The following FSTL5 variants were observed in gnomAD, a reference collection of about 807,000 sequenced individuals.
The protein encoded by FSTL5 is follistatin-related protein 5.
FSTL5 carries 62 observed loss-of-function variants against 89.1 expected under a neutral mutation model. The observed-to-expected ratio is 0.70, with a 90% CI of 0.57 to 0.86. The LOEUF (loss-of-function observed/expected upper bound fraction) is 0.86, where lower values mean the gene tolerates loss of function less well. FSTL5 is among the 40% of genes least tolerant of loss of function. The pLI is 0.00. For missense variants in FSTL5, 1,057 were observed against 1,001.6 expected, an observed-to-expected ratio of 1.06 and a Z score of -0.75; for synonymous variants, 383 against 346.2, an observed-to-expected ratio of 1.11 and a Z score of -1.18.
rs150625103 is a variant in FSTL5 at position 161,762,670 on chromosome 4, T to C, written c.607-3139A>G. On this transcript the variant is annotated intron_variant, in intron 5 of 15. Transcript: ENST00000306100. The stretch of plus-strand genomic sequence containing the variant: ...GATAACAAGATACCATCTTATGATC[T>C]TGATTGGTCAAAAAGACCAATCATA... Among the ~76,000 whole-genome samples the C allele has an allele frequency of 7.9e-3, 1,200 of 152,340 alleles. 16 individuals carry two copies. Among genetic ancestry groups the C allele is most frequent in the African/African-American group, 0.026 (1,084 of 41,568 alleles).
chr4:161,413,682 T>A (rs1441337317), intron 15 of FSTL5, among the ~76,000 whole-genome samples: 1 of 152,186 alleles, frequency 6.6e-6, no homozygotes, highest in Non-Finnish European at 1.5e-5. Flanking sequence ...CAGGTGTTCA[T>A]CAATGATAGA....
In FSTL5 at chr4:161,869,800, T is replaced by C. The variant is rs1469731487; in HGVS notation, c.409+50604A>G. Among the ~76,000 whole-genome samples the C allele has an allele frequency of 3.3e-5, 5 of 152,232 alleles. No individual in the cohort carries two copies. In the East Asian group the frequency reaches 9.6e-4, roughly 29 times the overall value. ...GTGTTAATACATTAGCATATGGCAT[T>C]CTCCTACAGATAGGTATTTGTCCAG... On this transcript the variant is annotated intron_variant, in intron 4 of 15. Coordinates refer to ENST00000306100, the MANE Select transcript of FSTL5 (RefSeq NM_020116.5).
At chr4:161,715,262 A>C (rs1036229787) in intron 6 of FSTL5, among the ~76,000 whole-genome samples, 1 of 152,212 alleles carries the variant, frequency 6.6e-6, no homozygotes, top group African/African-American at 2.4e-5. Flanking sequence ...GCCATGCAAT[A>C]CTGTTGATGT....
chr4:162,147,477 G>A (rs1390451302), intron 1 of FSTL5, among the ~76,000 whole-genome samples: 1 of 151,978 alleles, frequency 6.6e-6, no homozygotes, highest in African/African-American at 2.4e-5. Flanking sequence ...TTAAAGTATG[G>A]CCAATAACAA....
chr4:162,024,365 A>G (rs1378472285), intron 3 of FSTL5, among the ~76,000 whole-genome samples: 1 of 152,110 alleles, frequency 6.6e-6, no homozygotes, highest in African/African-American at 2.4e-5. Context: ...TTGACAGAGG[A>G]CCTGACAGAT....
chr4:161,748,605 CGTTTTTT>C (rs1236243134), intron 6 of FSTL5, among the ~76,000 whole-genome samples: 8 of 105,224 alleles, frequency 7.6e-5, no homozygotes, highest in Admixed American at 2.4e-4. Flanking sequence ...AGGGGAAGCA[CGTTTTTT>C]TTTTTTTTTT....
chr4:161,983,026 T>A (rs1216048663), intron 3 of FSTL5, among the ~76,000 whole-genome samples: 1 of 152,314 alleles, frequency 6.6e-6, no homozygotes, highest in Admixed American at 6.5e-5. Context: ...AATGAAGTTA[T>A]CATTAGAGCA....
At position 161,652,748 on chromosome 4, in the gene FSTL5, C is replaced by T. The variant is rs187959471; in HGVS notation, c.894+3580G>A. Among the ~76,000 whole-genome samples, 929 of 151,808 alleles carry T rather than the reference C, an allele frequency of 6.1e-3. 9 individuals carry two copies. Among genetic ancestry groups the T allele is most frequent in the South Asian group, 0.046 (221 of 4,810 alleles). On this transcript the variant is annotated intron_variant, in intron 7 of 15. Transcript: ENST00000306100. Reference sequence around the variant, plus strand: ...ATACATCTATATTATTGTAATTGTTCGCAATTAAAATGTATTTATGTGTTA... The same window carrying T: ...ATACATCTATATTATTGTAATTGTTTGCAATTAAAATGTATTTATGTGTTA...
chr4:161,916,543 G>A (rs1212115898), intron 4 of FSTL5, among the ~76,000 whole-genome samples: 1 of 152,068 alleles, frequency 6.6e-6, no homozygotes, highest in East Asian at 1.9e-4. Context: ...ATGTTACGTT[G>A]AGCATCATCA....
At chr4:162,161,710 T>G (rs1733702863) in intron 1 of FSTL5, among the ~76,000 whole-genome samples, 1 of 151,972 alleles carries the variant, frequency 6.6e-6, no homozygotes, top group African/African-American at 2.4e-5. Flanking sequence ...TGAGTAAATA[T>G]AATGTTTATA....
At chr4:161,742,682 T>C (rs549001295) in intron 6 of FSTL5, among the ~76,000 whole-genome samples, 6 of 152,256 alleles carry the variant, frequency 3.9e-5, no homozygotes, top group Admixed American at 3.3e-4. Flanking sequence ...AAGAGACTAG[T>C]GGATGAGTAT....
At chr4:161,490,167 C>A (rs975696009) in intron 12 of FSTL5, among the ~76,000 whole-genome samples, 30 of 152,134 alleles carry the variant, frequency 2.0e-4, no homozygotes, top group African/African-American at 7.0e-4. Context: ...TTCATTATTT[C>A]TTGTCATTAC....
chr4:161,449,719 T>C (rs1265203587), intron 15 of FSTL5, among the ~76,000 whole-genome samples: 1 of 152,174 alleles, frequency 6.6e-6, no homozygotes, highest in Non-Finnish European at 1.5e-5. Flanking sequence ...AAAGTGCAGG[T>C]TATACATAAT....
At chr4:161,590,464 G>T (rs929418662) in intron 7 of FSTL5, among the ~76,000 whole-genome samples, 2 of 152,128 alleles carry the variant, frequency 1.3e-5, no homozygotes, top group African/African-American at 4.8e-5. Flanking sequence ...GCTTGAACCC[G>T]AGAGGTGGAG....
At chr4:161,782,412 C>G (rs764727748) in intron 4 of FSTL5, among the ~76,000 whole-genome samples, 41 of 152,066 alleles carry the variant, frequency 2.7e-4, no homozygotes, top group Non-Finnish European at 5.3e-4. Flanking sequence ...TTGGTGTTGT[C>G]AGTGTTTTGA....
chr4:161,781,747 T>C (rs1281551080), intron 4 of FSTL5, among the ~76,000 whole-genome samples: 3 of 152,164 alleles, frequency 2.0e-5, no homozygotes, highest in East Asian at 3.9e-4. Context: ...TCCAGATCCA[T>C]AGTTTAACTT....
chr4:162,119,769 C>A (rs1731783901), intron 1 of FSTL5, among the ~76,000 whole-genome samples: 1 of 152,066 alleles, frequency 6.6e-6, no homozygotes, highest in Admixed American at 6.6e-5. Flanking sequence ...GAACCTATTC[C>A]TCCCATCTGG....
At chr4:161,633,291 T>TTTATTATTATTAA (rs1554004444) in intron 7 of FSTL5, among the ~76,000 whole-genome samples, 1 of 140,726 alleles carries the variant, frequency 7.1e-6, no homozygotes, top group African/African-American at 2.6e-5. Flanking sequence ...ACTAATTCTT[T>TTTATTATTATTAA]TTATTATTAT....
intron 10 of FSTL5, among the ~76,000 whole-genome samples, chr4:161,525,848 G>T (rs1731202046): frequency 6.6e-6 from 1 of 152,100 alleles, no homozygotes; most frequent in Non-Finnish European, 1.5e-5. Context: ...TAGTGGATGT[G>T]AAATAGCATT....
Sources: gnomAD v4.1 joint callset for allele counts (sites outside exome capture counted in the v4.1 genomes callset) on GRCh38, gnomAD v4.1.1 for gene constraint, MANE v1.5 for transcripts, NCBI Gene and HGNC (gene_info 2026-07-23, HGNC 2026-07-21) for gene names.